Variants in MYBPC1 observed in about 807,000 individuals in gnomAD.
MYBPC1 encodes the protein myosin-binding protein C, slow-type.
MYBPC1 carries 52 observed loss-of-function variants against 147.1 expected under a neutral mutation model. That is an observed-to-expected ratio of 0.35 (90% CI 0.28 to 0.45). The LOEUF is 0.45. MYBPC1 is among the 20% of genes least tolerant of loss of function. MYBPC1 has a pLI of 1.00. For missense variants in MYBPC1, 1,228 were observed against 1,440.3 expected (o/e 0.85, Z 2.39); for synonymous variants, 477 against 475.9 (o/e 1.00, Z -0.03).
At chr12:101,685,394 C>T (rs1028373224) in intron 31 of MYBPC1, among the ~76,000 whole-genome samples, 188 bp from the exon 32 acceptor site, 1 of 152,118 alleles carries the variant, frequency 6.6e-6, no homozygotes, top group African/African-American at 2.4e-5. Context: ...CTTCTAGATG[C>T]CAAGTGCTTT....
At chr12:101,632,211 A>G (rs1890055412) in intron 8 of MYBPC1, 73 bp downstream of exon 8, 1 of 1,012,364 alleles carries the variant, frequency 9.9e-7, no homozygotes, top group African/African-American at 1.6e-5. Flanking sequence ...GAAGTAGTTC[A>G]TTTAATACTA....
At chr12:101,643,764 A>G (rs565550229) in intron 11 of MYBPC1, among the ~76,000 whole-genome samples, 2 of 152,202 alleles carry the variant, frequency 1.3e-5, no homozygotes, top group Middle Eastern at 3.4e-3. Context: ...GCTGTGTTCT[A>G]TGTTATTTAA....
At chr12:101,629,727 G>T (rs563472607) in intron 6 of MYBPC1, among the ~76,000 whole-genome samples, 183 bp downstream of exon 6, 1 of 152,156 alleles carries the variant, frequency 6.6e-6, no homozygotes, top group Admixed American at 6.5e-5. Flanking sequence ...ACAAAAATTA[G>T]CAGGGCATGG....
chr12:101,667,153 C>T (rs545922001), intron 22 of MYBPC1, among the ~76,000 whole-genome samples: 4 of 152,298 alleles, frequency 2.6e-5, no homozygotes, highest in Admixed American at 6.5e-5. Context: ...TCTACCAACT[C>T]CTTATGAGGA....
At chr12:101,605,224 C>G (rs1881679025) in intron 1 of MYBPC1, among the ~76,000 whole-genome samples, 1 of 152,176 alleles carries the variant, frequency 6.6e-6, no homozygotes. Flanking sequence ...CCTTTTGTCT[C>G]TATTATGGTG....
At chr12:101,612,581 A>G (rs1341733199) in intron 1 of MYBPC1, among the ~76,000 whole-genome samples, 1 of 152,196 alleles carries the variant, frequency 6.6e-6, no homozygotes, top group African/African-American at 2.4e-5. Context: ...AAGTAGAATA[A>G]TGGGATGAAA....
the MYBPC1 span, among the ~76,000 whole-genome samples, chr12:101,693,917 A>T: frequency 4.6e-5 from 7 of 152,170 alleles, no homozygotes; most frequent in Non-Finnish European, 8.8e-5. Context: ...TGGCCTTCAG[A>T]AGAAAGGAGC....
chr12:101,604,964 G>A (rs544608815), intron 1 of MYBPC1, among the ~76,000 whole-genome samples: 142 of 152,272 alleles, frequency 9.3e-4, no homozygotes, highest in African/African-American at 3.0e-3. Context: ...AGCCCCTTAA[G>A]TGACCTCCTT....
intron 3 of MYBPC1, among the ~76,000 whole-genome samples, chr12:101,622,919 A>T (rs553547690): frequency 7.4e-4 from 112 of 152,324 alleles, no homozygotes; most frequent in African/African-American, 2.5e-3. Context: ...CTATTTCATG[A>T]TACTCTGAAG....
chr12:101,637,909 A>G (rs956662115), intron 10 of MYBPC1, among the ~76,000 whole-genome samples: 22 of 152,182 alleles, frequency 1.4e-4, no homozygotes, highest in Non-Finnish European at 2.5e-4. Flanking sequence ...ATTAGTCTCA[A>G]TAGTATTGAT....
downstream of MYBPC1, among the ~76,000 whole-genome samples, chr12:101,687,803 T>C (rs1288446503): frequency 6.6e-6 from 1 of 152,246 alleles, no homozygotes; most frequent in Non-Finnish European, 1.5e-5. Context: ...CTTATACGTG[T>C]ATGGTTTTAC....
At chr12:101,619,646 A>G (rs1197182003) in intron 3 of MYBPC1, among the ~76,000 whole-genome samples, 29 of 152,210 alleles carry the variant, frequency 1.9e-4, no homozygotes, top group Admixed American at 1.9e-3. Flanking sequence ...GAGGGTTAGA[A>G]TGAGACACTG....
chr12:101,599,842 T>C (rs1366883890), intron 1 of MYBPC1, among the ~76,000 whole-genome samples: 1 of 152,164 alleles, frequency 6.6e-6, no homozygotes, highest in Non-Finnish European at 1.5e-5. Flanking sequence ...AAAACCACCA[T>C]GCTGTGCTGG....
chr12:101,629,965 G>A (rs921992278), intron 6 of MYBPC1, among the ~76,000 whole-genome samples: 2 of 152,038 alleles, frequency 1.3e-5, no homozygotes, highest in South Asian at 2.1e-4. Flanking sequence ...TCGCAATGTT[G>A]TACAGCCACT....
At chr12:101,646,346 C>T (rs1295636775) in intron 12 of MYBPC1, among the ~76,000 whole-genome samples, 1 of 151,322 alleles carries the variant, frequency 6.6e-6, no homozygotes, top group African/African-American at 2.4e-5. Context: ...ACCTAAAGAG[C>T]AGATCAAAAT....
Position 101,681,912 on chromosome 12 carries a change from T to C in MYBPC1, c.3434-692T>C, listed in dbSNP as rs115551334. Among the ~76,000 whole-genome samples the C allele has an allele frequency of 7.2e-3, 1,098 of 152,068 alleles. 8 individuals carry two copies. The highest frequency in any genetic ancestry group is 0.025 in the African/African-American group (1,021 of 41,486). On this transcript the variant is annotated intron_variant, in intron 29 of 31. Transcript: ENST00000361466. ...GCGTGAGCCACTGCACCCAGCTGCT[T>C]TCCTCTTACAACTTTTTAAAGCTGT...
chr12:101,664,978 T>C (rs1033145872), intron 22 of MYBPC1, among the ~76,000 whole-genome samples: 2 of 152,206 alleles, frequency 1.3e-5, no homozygotes, highest in Admixed American at 6.5e-5. Flanking sequence ...CCCAGTCTTA[T>C]GTGTGATGTG....
At chr12:101,596,324 G>A (rs900686626) in intron 1 of MYBPC1, among the ~76,000 whole-genome samples, 2 of 152,216 alleles carry the variant, frequency 1.3e-5, no homozygotes, top group African/African-American at 4.8e-5. Context: ...CCAAATGCAT[G>A]TATTAATATG....
At chr12:101,624,927 A>G (rs1424488478) in intron 3 of MYBPC1, among the ~76,000 whole-genome samples, 1 of 152,142 alleles carries the variant, frequency 6.6e-6, no homozygotes, top group Non-Finnish European at 1.5e-5. Flanking sequence ...ACAAGTTGCT[A>G]AAATGCAGAA....
Sources: gnomAD v4.1 joint callset for allele counts (sites outside exome capture counted in the v4.1 genomes callset) on GRCh38, gnomAD v4.1.1 for gene constraint, MANE v1.5 for transcripts, NCBI Gene and HGNC (gene_info 2026-07-23, HGNC 2026-07-21) for gene names.